The following BBS9 variants were observed in gnomAD, a reference collection of about 807,000 sequenced individuals.
BBS9 encodes the protein protein PTHB1.
Under a neutral mutation model 117.7 loss-of-function variants are expected in BBS9, and 89 were observed. The ratio of observed to expected loss-of-function variants is 0.76; its 90% CI spans 0.64 to 0.90. The LOEUF (loss-of-function observed/expected upper bound fraction) is 0.90. Ranked by LOEUF, BBS9 falls within the 40% of genes least tolerant of loss-of-function variation. The probability of loss-of-function intolerance (pLI) is 0.00; values close to 1 mark genes in which losing one functional copy is unlikely to be tolerated. For synonymous variants in BBS9, 379 were observed against 370.9 expected, an observed-to-expected ratio of 1.02 and a Z score of -0.25; for missense variants, 982 against 1,042.2, an observed-to-expected ratio of 0.94 and a Z score of 0.80.
chr7:33,382,522 G>A (rs551566974), intron 17 of BBS9, among the ~76,000 whole-genome samples: 5 of 151,746 alleles, frequency 3.3e-5, no homozygotes, highest in Non-Finnish European at 7.4e-5. Flanking sequence ...AATCTTGGAA[G>A]TTATATAAGA....
intron 5 of BBS9, among the ~76,000 whole-genome samples, chr7:33,230,844 A>G (rs190063862): frequency 1.6e-4 from 24 of 152,280 alleles, no homozygotes; most frequent in African/African-American, 4.6e-4. Flanking sequence ...GGTTGATTCC[A>G]TATCTTTACA....
At chr7:33,291,532 G>T (rs1389673007) in intron 9 of BBS9, among the ~76,000 whole-genome samples, 1 of 151,968 alleles carries the variant, frequency 6.6e-6, no homozygotes, top group East Asian at 1.9e-4. Context: ...TGTCACATTT[G>T]AGTTCAGGAA....
chr7:33,526,091 G>C (rs1849451120), intron 20 of BBS9, among the ~76,000 whole-genome samples: 1 of 151,370 alleles, frequency 6.6e-6, no homozygotes, highest in Non-Finnish European at 1.5e-5. Flanking sequence ...CTCTCTTCTG[G>C]CTTGTAGGGT....
chr7:33,333,916 A>G (rs2128619484), intron 9 of BBS9, among the ~76,000 whole-genome samples: 1 of 151,478 alleles, frequency 6.6e-6, no homozygotes, highest in Non-Finnish European at 1.5e-5. Flanking sequence ...CCAGCCTATA[A>G]TGTCTTTTGC....
At chr7:33,242,909 A>C (rs1583837561) in intron 5 of BBS9, 1 of 518,110 alleles carries the variant, frequency 1.9e-6, no homozygotes, top group East Asian at 5.4e-5. Flanking sequence ...TAGAAGACGT[A>C]GTGTTGAGTT....
intron 16 of BBS9, among the ~76,000 whole-genome samples, chr7:33,364,203 C>G (rs1821211355): frequency 6.2e-5 from 2 of 32,080 alleles, no homozygotes; most frequent in Non-Finnish European, 1.3e-4. Flanking sequence ...CCGCCTCGGC[C>G]TCCCAAAGTG....
chr7:33,339,940 G>A (rs1279554661), intron 10 of BBS9, among the ~76,000 whole-genome samples: 1 of 151,690 alleles, frequency 6.6e-6, no homozygotes, highest in Non-Finnish European at 1.5e-5. Context: ...GGGAAGAATG[G>A]ATGTTAAGTA....
chr7:33,588,756 TGAA>T (rs1861381191), intron 21 of BBS9, among the ~76,000 whole-genome samples: 3 of 152,082 alleles, frequency 2.0e-5, no homozygotes, highest in African/African-American at 7.2e-5. Context: ...AAGAAAGACT[TGAA>T]GAAGGTGAGG....
chr7:33,329,240 C>T (rs1489572407), intron 9 of BBS9, among the ~76,000 whole-genome samples: 6 of 152,118 alleles, frequency 3.9e-5, no homozygotes, highest in South Asian at 2.1e-4. Context: ...AGACTGGTCT[C>T]GAACTCCTGG....
chr7:33,280,764 T>G (rs1454400738), intron 9 of BBS9, among the ~76,000 whole-genome samples: 1 of 152,082 alleles, frequency 6.6e-6, no homozygotes, highest in Non-Finnish European at 1.5e-5. Flanking sequence ...ATCTCTTAGT[T>G]GAAAAACCTT....
chr7:33,273,238 C>A, intron 8 of BBS9, 43 bp downstream of exon 8: 7 of 1,594,768 alleles, frequency 4.4e-6, no homozygotes, highest in Non-Finnish European at 6.0e-6. Flanking sequence ...TATGTCAAGG[C>A]TATGTGATAT....
chr7:33,493,708 G>A (rs997203188), intron 19 of BBS9, among the ~76,000 whole-genome samples: 1 of 152,076 alleles, frequency 6.6e-6, no homozygotes, highest in Admixed American at 6.5e-5. Context: ...TTTTCCCCTC[G>A]TAATGGACGT....
chr7:33,467,420 AAT>A (rs1246451583), intron 19 of BBS9, among the ~76,000 whole-genome samples: 36 of 152,250 alleles, frequency 2.4e-4, no homozygotes, highest in Admixed American at 5.2e-4. Context: ...ATTTAACTTT[AAT>A]TCATTTGTGA....
intron 14 of BBS9, chr7:33,351,553 A>G: frequency 1.9e-6 from 1 of 517,788 alleles, no homozygotes; most frequent in African/African-American, 1.9e-5. Context: ...TTCAGTTAAT[A>G]GCAAATCTGA....
chr7:33,312,230 A>G (rs1275735922), intron 9 of BBS9, among the ~76,000 whole-genome samples: 1 of 152,068 alleles, frequency 6.6e-6, no homozygotes, highest in Admixed American at 6.5e-5. Flanking sequence ...CTGTGTTATG[A>G]CTGAATTTTG....
intron 19 of BBS9, among the ~76,000 whole-genome samples, chr7:33,406,710 A>G (rs991260101): frequency 6.6e-6 from 1 of 151,956 alleles, no homozygotes; most frequent in Non-Finnish European, 1.5e-5. Context: ...GTTTGGCTGG[A>G]TATGAAATTC....
intron 5 of BBS9, among the ~76,000 whole-genome samples, chr7:33,253,566 C>T (rs374641834): frequency 2.0e-5 from 3 of 152,164 alleles, no homozygotes; most frequent in Non-Finnish European, 2.9e-5. Context: ...GAGCCAAGAT[C>T]GTGCCACTGC....
At chr7:33,239,038 C>T (rs141928959) in intron 5 of BBS9, among the ~76,000 whole-genome samples, 376 of 152,182 alleles carry the variant, frequency 2.5e-3, no homozygotes, top group African/African-American at 8.1e-3. Context: ...AAGCTTTTGA[C>T]GCATACTTTA....
intron 19 of BBS9, among the ~76,000 whole-genome samples, chr7:33,432,832 C>T (rs1006980704): frequency 2.0e-5 from 3 of 151,328 alleles, no homozygotes; most frequent in South Asian, 2.1e-4. Flanking sequence ...ATATTTGGAA[C>T]GTTATGCCCT....
Sources: allele counts gnomAD v4.1 joint callset (sites outside exome capture counted in the v4.1 genomes callset), GRCh38; gene constraint gnomAD v4.1.1; transcripts MANE v1.5; gene names NCBI Gene and HGNC (gene_info 2026-07-23, HGNC 2026-07-21).